GFM1: variants seen among roughly 807,000 people sequenced by gnomAD.
The protein encoded by GFM1 is elongation factor G, mitochondrial.
In GFM1, 62 loss-of-function variants were observed where a neutral mutation model predicts 96.2. The observed-to-expected ratio is 0.64, with a 90% CI of 0.53 to 0.80. The LOEUF (loss-of-function observed/expected upper bound fraction) is 0.80. Among genes scored for constraint, GFM1 ranks in the 30% least tolerant of loss-of-function variants. GFM1 has a pLI of 0.00. For missense variants in GFM1, 852 were observed against 916.6 expected, an observed-to-expected ratio of 0.93 and a Z score of 0.91; for synonymous variants, 282 against 312.9, an observed-to-expected ratio of 0.90 and a Z score of 1.04.
intron 14 of GFM1, among the ~76,000 whole-genome samples, chr3:158,684,061 T>C (rs1193590221): frequency 6.6e-6 from 1 of 152,126 alleles, no homozygotes; most frequent in African/African-American, 2.4e-5. Flanking sequence ...GGGGCATGGA[T>C]GGAGCTAGAG....
In GFM1 at chr3:158,666,201, T is replaced by C. The variant is rs565144885; in HGVS notation, c.1519-103T>C. The C allele has an allele frequency of 1.3e-3, 1,006 of 775,882 alleles. 25 individuals carry two copies. The South Asian group carries it at 0.015, about 12-fold the overall frequency. The allele number at this position is 775,882 out of a possible 1,614,324, so 48.1% of individuals were successfully genotyped here. On this transcript the variant is annotated intron_variant, in intron 12 of 17. Transcript: ENST00000486715. ...TAAAATGATTTAAGATTTGTTTATC[T>C]ATTATATTTAAGTGAATGCTACTAA...
chr3:158,645,515 A>G (rs1721699311), intron 1 of GFM1, 114 bp from the exon 2 acceptor site: 1 of 895,038 alleles, frequency 1.1e-6, no homozygotes, highest in Non-Finnish European at 1.8e-6. Flanking sequence ...TTCTCAAGCT[A>G]TCTCATATCC....
At chr3:158,652,825 GGTAAACA>G (rs1722405927) in intron 6 of GFM1, among the ~76,000 whole-genome samples, 1 of 152,176 alleles carries the variant, frequency 6.6e-6, no homozygotes, top group African/African-American at 2.4e-5. Flanking sequence ...GGTATACAAA[GGTAAACA>G]GTAAACACCC....
chr3:158,644,919 T>C (rs1721629547), intron 1 of GFM1: 4 of 578,184 alleles, frequency 6.9e-6, no homozygotes, highest in Non-Finnish European at 1.3e-5. Context: ...ATCCCTAGGG[T>C]TTAATCAACT....
In GFM1 at chr3:158,653,306, G is replaced by A. The variant is rs773985079; in HGVS notation, c.841-4G>A. The A allele has an allele frequency of 6.2e-7, 1 of 1,610,688 alleles. No homozygotes were observed. Among genetic ancestry groups the A allele is most frequent in the Non-Finnish European group, 8.5e-7 (1 of 1,177,640 alleles). ...AACTACCATTAAATTGTTTTCTTTT[G>A]TAGCTAGCAATTCGAAGAGCTACTC... On this transcript the variant is annotated splice_polypyrimidine_tract_variant and splice_region_variant and intron_variant, in intron 6 of 17. Coordinates refer to ENST00000486715, the MANE Select transcript of GFM1 (RefSeq NM_024996.7).
At chr3:158,686,832 A>G (rs1203614384) in intron 15 of GFM1, among the ~76,000 whole-genome samples, 1 of 140,570 alleles carries the variant, frequency 7.1e-6, no homozygotes, top group African/African-American at 2.7e-5. Context: ...TCATGGTTTC[A>G]AGCAATTCTT....
In GFM1 at chr3:158,684,621, C is replaced by G. The variant is rs1048151051; in HGVS notation, c.1862C>G (p.Ser621Cys). ...GATGGAGCACACCACATGGTTGATTCTAATGAAATCTCTTTCATCCGAGCA... is the reference window on the plus strand; with the variant it reads ...GATGGAGCACACCACATGGTTGATTGTAATGAAATCTCTTTCATCCGAGCA... ...LQDGAHHMVD[S>C]NEISFIRAGE... The change falls in exon 15 of 18, where the codon TCT becomes TGT. Residue 621 changes from serine to cysteine, a missense_variant. Coordinates refer to ENST00000486715, the MANE Select transcript of GFM1 (RefSeq NM_024996.7). 3 of 1,613,986 alleles carry G rather than the reference C, an allele frequency of 1.9e-6. No individual in the cohort carries two copies. In the African/African-American group the frequency reaches 4.0e-5, roughly 22 times the overall value.
intron 11 of GFM1, among the ~76,000 whole-genome samples, chr3:158,663,084 G>A (rs1046452401): frequency 6.6e-6 from 1 of 152,144 alleles, no homozygotes; most frequent in Non-Finnish European, 1.5e-5. Flanking sequence ...TTATAAAATA[G>A]CTCTAGGTTT....
intron 8 of GFM1, chr3:158,655,875 T>TA (rs1230150616): frequency 2.0e-5 from 9 of 457,298 alleles, no homozygotes; most frequent in Non-Finnish European, 3.5e-5. Context: ...AGGACCACGT[T>TA]ATATTTGATT....
chr3:158,666,854 T>G, intron 13 of GFM1: 1 of 1,416,020 alleles, frequency 7.1e-7, no homozygotes, highest in Non-Finnish European at 9.6e-7. Flanking sequence ...AGAATAGTAC[T>G]TTTGTTAAAT....
chr3:158,665,001 T>C (rs1163712611), intron 11 of GFM1, among the ~76,000 whole-genome samples: 1 of 152,198 alleles, frequency 6.6e-6, no homozygotes, highest in African/African-American at 2.4e-5. Context: ...ATTTCTAAAA[T>C]GTAACACAGA....
chr3:158,671,036 G>T (rs766856390), intron 13 of GFM1: 1 of 1,508,678 alleles, frequency 6.6e-7, no homozygotes, highest in East Asian at 2.5e-5. Context: ...TTAAGAAAAT[G>T]TAGTGGAGAC....
intron 15 of GFM1, among the ~76,000 whole-genome samples, chr3:158,689,627 T>C (rs1179079184): frequency 6.6e-6 from 1 of 151,596 alleles, no homozygotes; most frequent in Non-Finnish European, 1.5e-5. Flanking sequence ...ATACAAAAAT[T>C]AGTGGTAGCA....
intron 13 of GFM1, chr3:158,669,241 ATAAT>A: frequency 5.4e-6 from 7 of 1,294,824 alleles, no homozygotes; most frequent in South Asian, 1.4e-5. Flanking sequence ...TGTGCAAAAA[ATAAT>A]TTAATTAAGC....
At chr3:158,678,427 G>A (rs1725083077) in intron 13 of GFM1, among the ~76,000 whole-genome samples, 1 of 152,146 alleles carries the variant, frequency 6.6e-6, no homozygotes, top group Non-Finnish European at 1.5e-5. Context: ...CCTGGGAGGA[G>A]GTCAAAATAA....
At chr3:158,667,540 C>A (rs945387395) in intron 13 of GFM1, among the ~76,000 whole-genome samples, 1 of 152,184 alleles carries the variant, frequency 6.6e-6, no homozygotes, top group Admixed American at 6.5e-5. Context: ...AATCCGAGCA[C>A]TTTGCGGGGC....
chr3:158,666,969 C>T lies in GFM1; in HGVS notation c.1601+583C>T, dbSNP rs756761292. 6 of 1,570,914 alleles carry T rather than the reference C, an allele frequency of 3.8e-6. 1 individual carries two copies. In the African/African-American group the frequency reaches 5.5e-5, roughly 14 times the overall value. ...CATACTGTGGCTATACAAGGAGTCTCAGTTTTCAGAATGGCATCAAATAAA... is the reference window on the plus strand; with the variant it reads ...CATACTGTGGCTATACAAGGAGTCTTAGTTTTCAGAATGGCATCAAATAAA... On this transcript the variant is annotated intron_variant, in intron 13 of 17. Transcript: ENST00000486715.
At chr3:158,669,792 AAT>A (rs1475910715) in intron 13 of GFM1, among the ~76,000 whole-genome samples, 6 of 152,190 alleles carry the variant, frequency 3.9e-5, no homozygotes, top group Admixed American at 3.9e-4. Flanking sequence ...TTATCATGTG[AAT>A]ACCCTAAAAT....
In GFM1 at chr3:158,691,147, A is replaced by G. The variant is rs568923049; in HGVS notation, c.2079A>G (p.Leu693=). The G allele has an allele frequency of 2.2e-5, 35 of 1,610,030 alleles. No homozygotes were observed. The highest frequency in any genetic ancestry group is 2.8e-5 in the Non-Finnish European group (33 of 1,176,332). ...DYFTLYADVP[L]NDMFGYSTEL... Reference sequence around the variant, plus strand: ...ACTATGTTTGTTTTCAGGTCCCTCTAAATGATATGTTTGGTTATTCCACTG... The same window carrying G: ...ACTATGTTTGTTTTCAGGTCCCTCTGAATGATATGTTTGGTTATTCCACTG... The change falls in exon 17 of 18, where the codon CTA becomes CTG. Residue 693 remains leucine, a synonymous_variant. Coordinates refer to ENST00000486715, the MANE Select transcript of GFM1 (RefSeq NM_024996.7).
Sources: allele counts gnomAD v4.1 joint callset (sites outside exome capture counted in the v4.1 genomes callset), GRCh38; gene constraint gnomAD v4.1.1; transcripts MANE v1.5; gene names NCBI Gene and HGNC (gene_info 2026-07-23, HGNC 2026-07-21).